The following RAB2A variants were observed in gnomAD, a reference collection of about 807,000 sequenced individuals.
RAB2A encodes ras-related protein Rab-2A.
A neutral mutation model predicts 32.5 loss-of-function variants in RAB2A; 7 were observed. The ratio of observed to expected loss-of-function variants is 0.22; its 90% CI spans 0.12 to 0.40. The LOEUF is 0.40. Among genes scored for constraint, RAB2A ranks in the 10% least tolerant of loss-of-function variants. RAB2A has a pLI of 1.00. For missense variants in RAB2A, 108 were observed against 260.7 expected, an observed-to-expected ratio of 0.41 and a Z score of 4.03; for synonymous variants, 79 against 85.2, an observed-to-expected ratio of 0.93 and a Z score of 0.40.
chr8:60,612,210 T>C (rs879775991), intron 6 of RAB2A, among the ~76,000 whole-genome samples: 20 of 152,226 alleles, frequency 1.3e-4, no homozygotes, highest in Non-Finnish European at 2.1e-4. Context: ...CTCCCACTTA[T>C]GAGTGAGAAT....
upstream of RAB2A, chr8:60,516,948 T>TCGGCGCGGAGG (rs1489203775): frequency 5.6e-6 from 2 of 358,676 alleles, no homozygotes; most frequent in Admixed American, 4.9e-5. Flanking sequence ...AACTTCCGGG[T>TCGGCGCGGAGG]CGGCGCGGAG....
intron 5 of RAB2A, among the ~76,000 whole-genome samples, chr8:60,589,195 G>C (rs952957100): frequency 6.6e-6 from 1 of 152,166 alleles, no homozygotes; most frequent in Non-Finnish European, 1.5e-5. Context: ...AACATGATGA[G>C]TGACAGCTTA....
At chr8:60,576,318 C>G (rs1460213478) in intron 3 of RAB2A, 1 of 456,064 alleles carries the variant, frequency 2.2e-6, no homozygotes, top group Non-Finnish European at 4.4e-6. Flanking sequence ...ACTGTTAGAC[C>G]CTGGCCAGCC....
chr8:60,579,310 TG>T (rs766211753), intron 3 of RAB2A, among the ~76,000 whole-genome samples: 201 of 152,362 alleles, frequency 1.3e-3, no homozygotes, highest in Middle Eastern at 3.4e-3. Flanking sequence ...CCCAAAGTGC[TG>T]GGATTACAGG....
intron 3 of RAB2A, among the ~76,000 whole-genome samples, chr8:60,577,092 C>T (rs1803647113): frequency 6.6e-6 from 1 of 151,744 alleles, no homozygotes; most frequent in Non-Finnish European, 1.5e-5. Context: ...GTTGCCCAGG[C>T]TGGAGTGCAG....
At chr8:60,614,118 A>G (rs536986614) in intron 6 of RAB2A, among the ~76,000 whole-genome samples, 4 of 151,990 alleles carry the variant, frequency 2.6e-5, no homozygotes, top group Admixed American at 2.6e-4. Context: ...CTGCCCAACC[A>G]TAATAAAAAA....
intron 2 of RAB2A, among the ~76,000 whole-genome samples, chr8:60,568,438 T>C (rs1214978904): frequency 1.3e-5 from 2 of 152,210 alleles, no homozygotes; most frequent in East Asian, 1.9e-4. Context: ...ATAATAATTA[T>C]ACCTAACATA....
At chr8:60,589,411 A>G (rs1350466397) in intron 5 of RAB2A, among the ~76,000 whole-genome samples, 8 of 152,244 alleles carry the variant, frequency 5.3e-5, no homozygotes, top group Admixed American at 5.2e-4. Flanking sequence ...GATAGACATC[A>G]AAACAGGGAA....
chr8:60,525,916 TGA>T (rs1340407570), intron 1 of RAB2A, among the ~76,000 whole-genome samples: 4 of 147,480 alleles, frequency 2.7e-5, no homozygotes, highest in African/African-American at 9.9e-5. Context: ...TTAATGTAAA[TGA>T]GAGAATAAAG....
At chr8:60,565,676 A>ATTT in intron 2 of RAB2A, among the ~76,000 whole-genome samples, 1 of 97,666 alleles carries the variant, frequency 1.0e-5, no homozygotes, top group Non-Finnish European at 2.1e-5. Context: ...TCTGTAGCTG[A>ATTT]TTTTTTTTTT....
chr8:60,610,956 T>G (rs2150436964), intron 6 of RAB2A, among the ~76,000 whole-genome samples: 1 of 152,348 alleles, frequency 6.6e-6, no homozygotes, highest in Non-Finnish European at 1.5e-5. Flanking sequence ...CCTTGAAAAC[T>G]GATTTTCTTC....
intron 6 of RAB2A, among the ~76,000 whole-genome samples, chr8:60,595,334 T>G (rs1804005216): frequency 1.3e-5 from 2 of 152,204 alleles, no homozygotes; most frequent in South Asian, 4.1e-4. Context: ...AGGGATTTGA[T>G]TAGCCCACAG....
chr8:60,606,005 C>T (rs1339875034), intron 6 of RAB2A, among the ~76,000 whole-genome samples: 3 of 151,840 alleles, frequency 2.0e-5, no homozygotes, highest in East Asian at 1.9e-4. Flanking sequence ...AAAAATTAGC[C>T]GGGCGTGGTG....
rs1046587738 is a variant in RAB2A at position 60,576,156 on chromosome 8, C to T, written c.186+4043C>T. 3.1e-5 allele frequency: 14 copies of T among 453,214 alleles called. No homozygotes were observed. The East Asian group carries it at 6.3e-4, about 20-fold the overall frequency. The allele number at this position is 453,214 out of a possible 1,614,324, so 28.1% of individuals were successfully genotyped here. ...ATCAGTGCCTCCCTTTAAGCACTGACACTTGGCCCTTTACTGAGTTACTTT... is the reference window on the plus strand; with the variant it reads ...ATCAGTGCCTCCCTTTAAGCACTGATACTTGGCCCTTTACTGAGTTACTTT... On this transcript the variant is annotated intron_variant, in intron 3 of 7. Transcript: ENST00000262646.
intron 2 of RAB2A, among the ~76,000 whole-genome samples, chr8:60,569,334 T>C (rs1455703876): frequency 6.6e-6 from 1 of 152,196 alleles, no homozygotes. Flanking sequence ...TTATCCATCC[T>C]GACCTGGTTG....
intron 1 of RAB2A, among the ~76,000 whole-genome samples, chr8:60,526,833 G>T (rs1807398956): frequency 6.6e-6 from 1 of 152,096 alleles, no homozygotes; most frequent in African/African-American, 2.4e-5. Context: ...GCCAGGCGTG[G>T]CGGCATGCGC....
intron 3 of RAB2A, among the ~76,000 whole-genome samples, chr8:60,577,818 A>G (rs1215653662): frequency 1.5e-5 from 1 of 65,816 alleles, no homozygotes; most frequent in Non-Finnish European, 2.9e-5. Context: ...TTTTTTTTGG[A>G]TTTTTAGTGG....
chr8:60,559,152 A>G (rs191593283), intron 2 of RAB2A: 195 of 414,974 alleles, frequency 4.7e-4, no homozygotes, highest in African/African-American at 3.8e-3. Flanking sequence ...GTAGTTTTTA[A>G]GATTTCAATT....
At chr8:60,596,682 G>A (rs374606316) in intron 6 of RAB2A, among the ~76,000 whole-genome samples, 1 of 152,144 alleles carries the variant, frequency 6.6e-6, no homozygotes, top group East Asian at 1.9e-4. Flanking sequence ...CAGCACTTTG[G>A]GAGGCTGAGG....
Sources: gnomAD v4.1 joint callset for allele counts (sites outside exome capture counted in the v4.1 genomes callset) on GRCh38, gnomAD v4.1.1 for gene constraint, MANE v1.5 for transcripts, NCBI Gene and HGNC (gene_info 2026-07-23, HGNC 2026-07-21) for gene names.